Variants in NAV2 observed in about 807,000 individuals in gnomAD.
NAV2 encodes helicase, APC down-regulated 1.
Under a neutral mutation model 223.2 loss-of-function variants are expected in NAV2, and 54 were observed. The ratio of observed to expected loss-of-function variants is 0.24; its 90% CI spans 0.19 to 0.30. The LOEUF (loss-of-function observed/expected upper bound fraction) is 0.30. NAV2 is among the 10% of genes least tolerant of loss of function. The probability of loss-of-function intolerance (pLI) is 1.00; values close to 1 mark genes in which losing one functional copy is unlikely to be tolerated. For missense variants in NAV2, 2,806 were observed against 3,147.5 expected (o/e 0.89, Z 2.60); for synonymous variants, 1,279 against 1,239.3 (o/e 1.03, Z -0.67).
At chr11:19,748,959 G>A (rs1447949741) in intron 1 of NAV2, among the ~76,000 whole-genome samples, 2 of 152,246 alleles carry the variant, frequency 1.3e-5, no homozygotes, top group Admixed American at 6.5e-5. Context: ...AAAAGCCAGG[G>A]TTAAAACTTG....
intron 10 of NAV2, among the ~76,000 whole-genome samples, chr11:19,960,696 C>T (rs1172916917): frequency 6.6e-6 from 1 of 152,068 alleles, no homozygotes; most frequent in African/African-American, 2.4e-5. Flanking sequence ...TCACTGCAAC[C>T]TCTGCCTCCC....
intron 6 of NAV2, among the ~76,000 whole-genome samples, chr11:19,912,290 C>T (rs1355457849): frequency 6.6e-6 from 1 of 152,162 alleles, no homozygotes; most frequent in Non-Finnish European, 1.5e-5. Flanking sequence ...AAAAGTGATT[C>T]TTGTATGTTT....
At chr11:19,429,704 T>TA (rs1172489854) in intron 1 of NAV2, among the ~76,000 whole-genome samples, 1 of 152,230 alleles carries the variant, frequency 6.6e-6, no homozygotes, top group African/African-American at 2.4e-5. Context: ...CATTTTCATT[T>TA]TAGTTCTCAA....
chr11:20,044,825 T>C (rs1399617723), intron 13 of NAV2, 143 bp from the exon 14 acceptor site: 9 of 643,228 alleles, frequency 1.4e-5, no homozygotes, highest in Non-Finnish European at 2.4e-5. Context: ...TAGTAGACTA[T>C]ATTATTTTTA....
chr11:19,455,226 C>A (rs1851921288), intron 1 of NAV2, among the ~76,000 whole-genome samples: 1 of 150,126 alleles, frequency 6.7e-6, no homozygotes, highest in Non-Finnish European at 1.5e-5. Flanking sequence ...AAAAGAGTTT[C>A]AGCACTTGGG....
intron 1 of NAV2, among the ~76,000 whole-genome samples, chr11:19,579,860 G>C (rs879702654): frequency 1.3e-5 from 2 of 152,196 alleles, no homozygotes; most frequent in Non-Finnish European, 2.9e-5. Context: ...AAGAGGCTCT[G>C]AGAAGGCCTC....
intron 1 of NAV2, among the ~76,000 whole-genome samples, chr11:19,450,743 G>A (rs1157703565): frequency 3.3e-5 from 5 of 152,138 alleles, no homozygotes. Context: ...AGCTGGGTTG[G>A]CTTAATCAGT....
intron 37 of NAV2, among the ~76,000 whole-genome samples, chr11:20,115,631 C>CAAAAAAAAAAAAA (rs386373266): frequency 2.1e-5 from 1 of 47,864 alleles, no homozygotes; most frequent in Non-Finnish European, 3.6e-5. Flanking sequence ...GACTCCGTCT[C>CAAAAAAAAAAAAA]AAAAAAAAAA....
At chr11:19,537,647 T>G (rs965804895) in intron 1 of NAV2, among the ~76,000 whole-genome samples, 1 of 152,226 alleles carries the variant, frequency 6.6e-6, no homozygotes. Flanking sequence ...CTTCTGCTCT[T>G]AAGTGTATTC....
chr11:19,703,412 T>C (rs187739008), intron 1 of NAV2, among the ~76,000 whole-genome samples: 1 of 152,168 alleles, frequency 6.6e-6, no homozygotes, highest in Non-Finnish European at 1.5e-5. Context: ...ATGACAGCAG[T>C]AACCAAAAGA....
At chr11:19,534,441 A>G (rs568250855) in intron 1 of NAV2, among the ~76,000 whole-genome samples, 15 of 152,352 alleles carry the variant, frequency 9.8e-5, no homozygotes, top group African/African-American at 3.6e-4. Flanking sequence ...TGAGTTGAAT[A>G]GCACAGTCTC....
intron 1 of NAV2, among the ~76,000 whole-genome samples, chr11:19,659,962 T>C (rs2048232107): frequency 6.6e-6 from 1 of 151,956 alleles, no homozygotes; most frequent in Admixed American, 6.6e-5. Flanking sequence ...ACTATTATTA[T>C]TATTATTATT....
intron 12 of NAV2, among the ~76,000 whole-genome samples, chr11:20,042,176 A>G (rs778755359): frequency 6.6e-6 from 1 of 152,226 alleles, no homozygotes; most frequent in Non-Finnish European, 1.5e-5. Context: ...TAGTTGGGAC[A>G]AAGAATGGGC....
chr11:19,782,845 T>A (rs748496556), intron 1 of NAV2, among the ~76,000 whole-genome samples: 1 of 152,208 alleles, frequency 6.6e-6, no homozygotes, highest in Non-Finnish European at 1.5e-5. Context: ...TTGACAGATA[T>A]TGTTTAAACA....
intron 2 of NAV2, among the ~76,000 whole-genome samples, chr11:19,839,525 C>A (rs978109033): frequency 2.6e-5 from 4 of 152,216 alleles, no homozygotes; most frequent in African/African-American, 9.6e-5. Context: ...ATTCAGACAA[C>A]ATGTAGGACT....
chr11:19,773,690 G>A (rs561506111), intron 1 of NAV2, among the ~76,000 whole-genome samples: 11 of 152,286 alleles, frequency 7.2e-5, no homozygotes, highest in African/African-American at 2.6e-4. Context: ...TTCTGTCTCT[G>A]CAAATCTACA....
chr11:19,946,629 T>C, intron 9 of NAV2, 120 bp downstream of exon 9: 1 of 817,900 alleles, frequency 1.2e-6, no homozygotes, highest in South Asian at 1.7e-5. Flanking sequence ...TTTCCAAATG[T>C]GCCGGAATTC....
chr11:19,688,071 A>G (rs1462299883), intron 1 of NAV2, among the ~76,000 whole-genome samples: 1 of 152,142 alleles, frequency 6.6e-6, no homozygotes, highest in African/African-American at 2.4e-5. Context: ...AATGGGATGA[A>G]AGAGGGGAGG....
intron 1 of NAV2, among the ~76,000 whole-genome samples, chr11:19,523,844 A>G (rs994770231): frequency 2.6e-5 from 4 of 152,104 alleles, no homozygotes; most frequent in East Asian, 1.9e-4. Context: ...AGCCTCCTGT[A>G]TCTGACTCCC....
Sources: allele counts gnomAD v4.1 joint callset (sites outside exome capture counted in the v4.1 genomes callset), GRCh38; gene constraint gnomAD v4.1.1; transcripts MANE v1.5; gene names NCBI Gene and HGNC (gene_info 2026-07-23, HGNC 2026-07-21).